Variants in IL1RN observed in about 807,000 individuals in gnomAD.
IL1RN encodes the protein interleukin-1 receptor antagonist protein.
Under a neutral mutation model 13.7 loss-of-function variants are expected in IL1RN, and 10 were observed. The observed-to-expected ratio is 0.73, with a 90% CI of 0.45 to 1.24. The LOEUF is 1.24. Ranked by LOEUF, IL1RN falls within the 50% of genes most tolerant of loss-of-function variation. IL1RN has a pLI of 0.00. For missense variants in IL1RN, 213 were observed against 222.1 expected (o/e 0.96, Z 0.26); for synonymous variants, 102 against 82.7 (o/e 1.23, Z -1.27).
intron 2 of IL1RN, among the ~76,000 whole-genome samples, chr2:113,122,066 T>C (rs1686798647): frequency 6.6e-6 from 1 of 152,216 alleles, no homozygotes; most frequent in Admixed American, 6.5e-5. Context: ...GTGTGGTGTG[T>C]CCTGTGACAC....
chr2:113,126,104 T>A (rs1181338864), upstream of IL1RN, among the ~76,000 whole-genome samples: 1 of 152,202 alleles, frequency 6.6e-6, no homozygotes, highest in African/African-American at 2.4e-5. Flanking sequence ...AGCCCAGCCA[T>A]CATTTTTGAA....
At chr2:113,101,846 C>A in the IL1RN span, among the ~76,000 whole-genome samples, 2 of 152,156 alleles carry the variant, frequency 1.3e-5, no homozygotes, top group East Asian at 1.9e-4. Context: ...TGGCTCACTG[C>A]AACCTCCACC....
upstream of IL1RN, among the ~76,000 whole-genome samples, chr2:113,117,326 C>A (rs1686617872): frequency 1.3e-5 from 2 of 152,334 alleles, no homozygotes; most frequent in South Asian, 4.1e-4. Flanking sequence ...TTCCCTCCAC[C>A]TGGAATATTC....
At chr2:113,108,570 A>G (rs1174812115), upstream of IL1RN, among the ~76,000 whole-genome samples, 1 of 152,174 alleles carries the variant, frequency 6.6e-6, no homozygotes, top group Non-Finnish European at 1.5e-5. Context: ...TTTTAAGGTT[A>G]GCTGATTAGC....
chr2:113,121,410 C>T, intron 2 of IL1RN: 1 of 970,546 alleles, frequency 1.0e-6, no homozygotes, highest in Non-Finnish European at 1.2e-6. Context: ...TCCCCTTCCC[C>T]ATGGTGTCTG....
At chr2:113,117,920 G>A (rs1460709580) in exon 1 of IL1RN, 5 of 804,834 alleles carry the variant, frequency 6.2e-6, no homozygotes, top group Non-Finnish European at 1.1e-5. Context: ...GAGGGACTGT[G>A]GCCCAGGTAC....
chr2:113,113,041 C>T (rs989815539), upstream of IL1RN: 1 of 152,158 alleles, frequency 6.6e-6, no homozygotes, highest in Non-Finnish European at 1.5e-5. Context: ...TCAGTTTCAG[C>T]TTGAATAATA....
At chr2:113,120,372 G>GTATC (rs972626178) in intron 2 of IL1RN, among the ~76,000 whole-genome samples, 10 of 151,762 alleles carry the variant, frequency 6.6e-5, no homozygotes, top group African/African-American at 2.4e-4. Flanking sequence ...ATGTATGCAT[G>GTATC]TATCTATCTA....
In IL1RN at chr2:113,129,584, A is replaced by C. The variant is rs1336529271; in HGVS notation, c.125A>C (p.Asp42Ala). 2 of 1,606,806 alleles carry C rather than the reference A, an allele frequency of 1.2e-6. No individual in the cohort carries two copies. The highest frequency in any genetic ancestry group is 8.5e-7 in the Non-Finnish European group (1 of 1,173,380). The change falls in exon 2 of 4, where the codon GAT becomes GCT. Residue 42 changes from aspartate to alanine, a missense_variant. Transcript: ENST00000409930. ...GTCCTTTTCCTTTTCAGAATCTGGGATGTTAACCAGAAGACCTTCTATCTG... is the reference window on the plus strand; with the variant it reads ...GTCCTTTTCCTTTTCAGAATCTGGGCTGTTAACCAGAAGACCTTCTATCTG... ...SSKMQAFRIW[D>A]VNQKTFYLRN...
upstream of IL1RN, among the ~76,000 whole-genome samples, chr2:113,110,630 C>T (rs1186833825): frequency 6.6e-6 from 1 of 152,226 alleles, no homozygotes; most frequent in African/African-American, 2.4e-5. Context: ...AAGCCAGACA[C>T]TGCTCTTTCT....
At chr2:113,103,316 T>A (rs1573268220), upstream of IL1RN, among the ~76,000 whole-genome samples, 2 of 152,166 alleles carry the variant, frequency 1.3e-5, no homozygotes, top group African/African-American at 2.4e-5. Context: ...TTACCTAACA[T>A]AGAAAAAAGG....
intron 3 of IL1RN, 120 bp from the exon 4 acceptor site, chr2:113,132,536 C>G: frequency 1.2e-6 from 1 of 866,604 alleles, no homozygotes; most frequent in Non-Finnish European, 1.9e-6. Context: ...TAGGGTATGG[C>G]ATTTCCCCTG....
the IL1RN span, among the ~76,000 whole-genome samples, chr2:113,099,811 T>G: frequency 7.4e-6 from 1 of 134,304 alleles, no homozygotes; most frequent in Non-Finnish European, 1.6e-5. Flanking sequence ...CTCGGCTCAC[T>G]GCAAGCTCCG....
upstream of IL1RN, among the ~76,000 whole-genome samples, chr2:113,110,410 A>G (rs890013596): frequency 1.5e-4 from 23 of 152,196 alleles, no homozygotes; most frequent in Non-Finnish European, 3.2e-4. Flanking sequence ...GATCAATCAC[A>G]TCAGGTTCTT....
intron 1 of IL1RN, among the ~76,000 whole-genome samples, chr2:113,112,684 C>T (rs952576657): frequency 6.6e-6 from 1 of 152,242 alleles, no homozygotes; most frequent in African/African-American, 2.4e-5. Flanking sequence ...CACTCCCAAG[C>T]CTGAATGGGG....
chr2:113,121,541 T>C, intron 2 of IL1RN: 1 of 985,418 alleles, frequency 1.0e-6, no homozygotes, highest in African/African-American at 1.7e-5. Context: ...TGACTTTCAG[T>C]GCAGATTCAT....
Position 113,133,153 on chromosome 2 carries a change from C to A in IL1RN, c.*282C>A, listed in dbSNP as rs1230925973. On this transcript the variant is annotated 3_prime_UTR_variant, in exon 4 of 4. Transcript: ENST00000409930. ...CGCCTCTGCATTCAGGATCAAACCC[C>A]GACCACCTGCCCAACCTGCTCTCCT... 2.0e-6 allele frequency: 1 copy of A among 497,104 alleles called. No homozygotes were observed. The highest frequency in any genetic ancestry group is 3.7e-6 in the Non-Finnish European group (1 of 271,108). 30.8% of individuals were successfully genotyped at this position (497,104 alleles called of 1,614,324 possible). A position where few individuals can be genotyped will look rare whatever the true frequency, so the allele number is the denominator to read the frequency against.
intron 3 of IL1RN, 143 bp from the exon 4 acceptor site, chr2:113,132,513 A>G: frequency 1.4e-6 from 1 of 712,800 alleles, no homozygotes; most frequent in Non-Finnish European, 2.5e-6. Context: ...AGACAGGAGC[A>G]CCTGGGGGCT....
chr2:113,117,338 T>A (rs1312700326), upstream of IL1RN, among the ~76,000 whole-genome samples: 5 of 152,156 alleles, frequency 3.3e-5, no homozygotes. Context: ...GGAATATTCT[T>A]CCCCTTCCTT....
Sources: allele counts gnomAD v4.1 joint callset (sites outside exome capture counted in the v4.1 genomes callset), GRCh38; gene constraint gnomAD v4.1.1; transcripts MANE v1.5; gene names NCBI Gene and HGNC (gene_info 2026-07-23, HGNC 2026-07-21).